SLC8B1: variants seen among roughly 807,000 people sequenced by gnomAD.
The protein encoded by SLC8B1 is solute carrier family 8 member B1, also known as mitochondrial sodium/calcium exchanger protein.
SLC8B1 carries 52 observed loss-of-function variants against 63.4 expected under a neutral mutation model. The observed-to-expected ratio is 0.82, with a 90% CI of 0.66 to 1.03. The LOEUF (loss-of-function observed/expected upper bound fraction) is 1.03. Among genes scored for constraint, SLC8B1 ranks in the 50% least tolerant of loss-of-function variants. The pLI is 0.00. For synonymous variants in SLC8B1, 336 were observed against 323.9 expected, an observed-to-expected ratio of 1.04 and a Z score of -0.40; for missense variants, 657 against 741.7, an observed-to-expected ratio of 0.89 and a Z score of 1.33.
intron 13 of SLC8B1, among the ~76,000 whole-genome samples, chr12:113,307,129 A>C (rs1387545681): frequency 2.1e-5 from 3 of 142,268 alleles, no homozygotes; most frequent in African/African-American, 8.1e-5. Flanking sequence ...AAAAAAAAAA[A>C]AAAAAAAAAA....
rs758305500 is a variant in SLC8B1 at position 113,310,269 on chromosome 12, C to CA, written c.1221dup (p.Ala408CysfsTer4). 4 of 1,613,794 alleles carry CA rather than the reference C, an allele frequency of 2.5e-6. No homozygotes were observed. In the South Asian group the frequency reaches 3.3e-5, roughly 13 times the overall value. On this transcript the variant is annotated frameshift_variant, in exon 12 of 16. Coordinates refer to ENST00000680972, the MANE Select transcript of SLC8B1 (RefSeq NM_001358345.2). LOFTEE classifies it high-confidence loss of function. ...CTGGGGGGCTGGCTGTCAGATGTGG[C>CA]AAAAAAGGTCACTGAAGCCAAGGCT...
intron 11 of SLC8B1, among the ~76,000 whole-genome samples, chr12:113,315,080 AT>A (rs960441533): frequency 1.3e-5 from 2 of 152,140 alleles, no homozygotes; most frequent in African/African-American, 4.8e-5. Flanking sequence ...GAGGTCAGGA[AT>A]TTAAGACCAG....
At chr12:113,326,270 A>G (rs987988018) in intron 2 of SLC8B1, among the ~76,000 whole-genome samples, 1 of 152,258 alleles carries the variant, frequency 6.6e-6, no homozygotes, top group Admixed American at 6.5e-5. Context: ...GCACTGTGAG[A>G]GCAGTGAGTA....
chr12:113,330,320 C>A (rs1264742749), intron 2 of SLC8B1, among the ~76,000 whole-genome samples: 3 of 152,238 alleles, frequency 2.0e-5, no homozygotes, highest in African/African-American at 2.4e-5. Context: ...AGCCTGCAGG[C>A]TCCCTGGATG....
chr12:113,305,367 A>G lies in SLC8B1; in HGVS notation c.1493-982T>C, dbSNP rs1417401333. Among the ~76,000 whole-genome samples the G allele has an allele frequency of 2.6e-5, 4 of 152,232 alleles. No individual in the cohort carries two copies. The highest frequency in any genetic ancestry group is 9.6e-5 in the African/African-American group (4 of 41,464). On this transcript the variant is annotated intron_variant, in intron 14 of 15. Transcript: ENST00000680972. This position sits in a 1 kb window ranked among gnomAD's most constrained non-coding sequence, Gnocchi z 4.3. ...CCTGTTTTGCCGGCCAACTGCTCACACTGCAGCCCCTGGTGAGGCTCTGTC... is the reference window on the plus strand; with the variant it reads ...CCTGTTTTGCCGGCCAACTGCTCACGCTGCAGCCCCTGGTGAGGCTCTGTC...
At chr12:113,306,448 C>T (rs377762188) in intron 14 of SLC8B1, 47 bp downstream of exon 14, 14 of 1,498,586 alleles carry the variant, frequency 9.3e-6, no homozygotes, top group Middle Eastern at 1.8e-4. Context: ...ACCCCACCCA[C>T]GGCTGTGACA....
chr12:113,318,452 T>C (rs1956873598), intron 8 of SLC8B1, among the ~76,000 whole-genome samples: 1 of 151,676 alleles, frequency 6.6e-6, no homozygotes, highest in Non-Finnish European at 1.5e-5. Flanking sequence ...TGTGTATGTG[T>C]TGTATGTGTG....
In SLC8B1 at chr12:113,332,898, C is replaced by T. The variant is rs754801770; in HGVS notation, c.-20G>A. The T allele has an allele frequency of 1.2e-6, 2 of 1,611,432 alleles. No individual in the cohort carries two copies. Among genetic ancestry groups the T allele is most frequent in the Non-Finnish European group, 1.7e-6 (2 of 1,179,194 alleles). ...GGCCATCTGCCCCCACGGGGCCTGGCCCTTACTCTCCACTTCCCTTTCTGC... is the reference window on the plus strand; with the variant it reads ...GGCCATCTGCCCCCACGGGGCCTGGTCCTTACTCTCCACTTCCCTTTCTGC... On this transcript the variant is annotated 5_prime_UTR_variant, in exon 2 of 16. Coordinates refer to ENST00000680972, the MANE Select transcript of SLC8B1 (RefSeq NM_001358345.2).
intron 2 of SLC8B1, among the ~76,000 whole-genome samples, chr12:113,323,732 G>A (rs1956960454): frequency 1.3e-5 from 2 of 151,952 alleles, no homozygotes; most frequent in South Asian, 4.2e-4. Flanking sequence ...AACAAAAAAA[G>A]CTAAGACAGT....
rs1330992829 is a variant in SLC8B1 at position 113,320,308 on chromosome 12, G to A, written c.694+23C>T. 32 of 1,611,970 alleles carry A rather than the reference G, an allele frequency of 2.0e-5. No homozygotes were observed. Among genetic ancestry groups the A allele is most frequent in the Middle Eastern group, 1.6e-4 (1 of 6,064 alleles). On this transcript the variant is annotated intron_variant, in intron 7 of 15. Transcript: ENST00000680972. The surrounding 1 kb of genome is among the most constrained non-coding windows in gnomAD (Gnocchi z 5.3). ...CTGCCCATCAGCCCTGGGATCTCACGCCTGAGCCCCAGAGCTGCTCACCCA... is the reference window on the plus strand; with the variant it reads ...CTGCCCATCAGCCCTGGGATCTCACACCTGAGCCCCAGAGCTGCTCACCCA...
In SLC8B1 at chr12:113,320,786, C is replaced by G; in HGVS notation, c.420+64G>C. 6.3e-7 allele frequency: 1 copy of G among 1,577,766 alleles called. No homozygotes were observed. Among genetic ancestry groups the G allele is most frequent in the East Asian group, 2.3e-5 (1 of 43,804 alleles). ...TCCCCACACGGGGATAGACATGACC[C>G]TATCTCCCAGCCTCCCCACAACTGC... On this transcript the variant is annotated intron_variant, in intron 5 of 15. Transcript: ENST00000680972. This position sits in a 1 kb window ranked among gnomAD's most constrained non-coding sequence, Gnocchi z 5.3.
chr12:113,319,758 C>G (rs1182414617), intron 7 of SLC8B1, among the ~76,000 whole-genome samples: 1 of 152,162 alleles, frequency 6.6e-6, no homozygotes, highest in Non-Finnish European at 1.5e-5. Flanking sequence ...AGTTAGCGTC[C>G]CATCTTTACT....
intron 15 of SLC8B1, among the ~76,000 whole-genome samples, chr12:113,303,447 C>T (rs1275975020): frequency 2.0e-5 from 3 of 152,074 alleles, no homozygotes; most frequent in African/African-American, 7.2e-5. Flanking sequence ...AGCTTCATAA[C>T]ACTCAAAGAG....
At position 113,299,491 on chromosome 12, in the gene SLC8B1, G is replaced by C; in HGVS notation, c.*286C>G. Reference sequence around the variant, plus strand: ...CCCCAAACTCCAGCCCTTCTCAGAGGGGCTCTGGGGGTCATTCAAGGGGGA... The same window carrying C: ...CCCCAAACTCCAGCCCTTCTCAGAGCGGCTCTGGGGGTCATTCAAGGGGGA... On this transcript the variant is annotated 3_prime_UTR_variant, in exon 16 of 16. Coordinates refer to ENST00000680972, the MANE Select transcript of SLC8B1 (RefSeq NM_001358345.2). 2.5e-6 allele frequency: 1 copy of C among 396,930 alleles called. No individual in the cohort carries two copies. The highest frequency in any genetic ancestry group is 2.4e-5 in the South Asian group (1 of 41,454). 24.6% of individuals were successfully genotyped at this position (396,930 alleles called of 1,614,324 possible).
At chr12:113,319,304 G>A (rs56801977) in intron 7 of SLC8B1, 52,930 of 467,238 alleles carry the variant, frequency 0.11, 4,177 homozygotes, top group African/African-American at 0.29. Context: ...CAAGCACAGC[G>A]AGAGACCTCC....
In SLC8B1 at chr12:113,334,539, G is replaced by T. The variant is rs1188755022; in HGVS notation, c.-179C>A. The T allele has an allele frequency of 6.6e-6, 1 of 152,120 alleles. No homozygotes were observed. The highest frequency in any genetic ancestry group is 1.5e-5 in the Non-Finnish European group (1 of 68,018). The allele number at this position is 152,120 out of a possible 1,614,324, so 9.4% of individuals were successfully genotyped here. A position where few individuals can be genotyped will look rare whatever the true frequency, so the allele number is the denominator to read the frequency against. On this transcript the variant is annotated 5_prime_UTR_variant, in exon 1 of 16. Coordinates refer to ENST00000680972, the MANE Select transcript of SLC8B1 (RefSeq NM_001358345.2). ...TCTATTTGGCACCAAGTTCAAACAG[G>T]ACACCCCTGGTTTCAAATTCGTCTC...
intron 10 of SLC8B1, among the ~76,000 whole-genome samples, chr12:113,316,303 G>A (rs1413313828): frequency 6.6e-6 from 1 of 152,202 alleles, no homozygotes; most frequent in Non-Finnish European, 1.5e-5. Context: ...AGGTTCCAGG[G>A]GTTAGGATAT....
chr12:113,321,470 T>TG, intron 2 of SLC8B1, 122 bp from the exon 3 acceptor site: 1 of 1,274,442 alleles, frequency 7.8e-7, no homozygotes, highest in Non-Finnish European at 1.1e-6. Context: ...CCATACCCTC[T>TG]GGGTGCCAAC....
chr12:113,312,944 C>T (rs867860232), intron 11 of SLC8B1, among the ~76,000 whole-genome samples: 14 of 151,770 alleles, frequency 9.2e-5, no homozygotes, highest in South Asian at 2.1e-4. Context: ...CTCACTCTGT[C>T]GCCCAGGCTG....
Sources: allele counts gnomAD v4.1 joint callset (sites outside exome capture counted in the v4.1 genomes callset), GRCh38; gene constraint gnomAD v4.1.1; non-coding constraint Gnocchi (gnomAD v3.1); transcripts MANE v1.5; gene names NCBI Gene and HGNC (gene_info 2026-07-23, HGNC 2026-07-21).